Variants in SLC6A16 observed in about 807,000 individuals in gnomAD.
SLC6A16 encodes the protein solute carrier family 6 member 16, also known as orphan sodium- and chloride-dependent neurotransmitter transporter NTT5.
SLC6A16 carries 54 observed loss-of-function variants against 65.4 expected under a neutral mutation model. The observed-to-expected ratio is 0.83, with a 90% CI of 0.66 to 1.04. SLC6A16 has a LOEUF of 1.04. Ranked by LOEUF, SLC6A16 falls within the 50% of genes least tolerant of loss-of-function variation. The pLI is 0.00. For missense variants in SLC6A16, 816 were observed against 914.0 expected (o/e 0.89, Z 1.38); for synonymous variants, 330 against 346.5 (o/e 0.95, Z 0.53).
intron 1 of SLC6A16, among the ~76,000 whole-genome samples, chr19:49,319,482 T>C (rs1457734424): frequency 1.3e-5 from 2 of 150,874 alleles, no homozygotes; most frequent in East Asian, 1.9e-4. Context: ...TATATGTATA[T>C]ACATATACTT....
chr19:49,338,925 A>G, the SLC6A16 span: 55 of 1,612,254 alleles, frequency 3.4e-5, no homozygotes, highest in Admixed American at 7.8e-4. This position sits in a 1 kb window ranked among gnomAD's most constrained non-coding sequence, Gnocchi z 5.0. Context: ...AGAGAGCCAC[A>G]TCTACCGCGA....
upstream of SLC6A16, among the ~76,000 whole-genome samples, chr19:49,328,238 G>A (rs1781611664): frequency 6.6e-6 from 1 of 152,084 alleles, no homozygotes; most frequent in Non-Finnish European, 1.5e-5. Context: ...TACAATCATG[G>A]CAGAAGGCAA....
At chr19:49,327,329 C>T (rs1970809833), upstream of SLC6A16, among the ~76,000 whole-genome samples, 1 of 152,178 alleles carries the variant, frequency 6.6e-6, no homozygotes, top group Admixed American at 6.5e-5. Context: ...CTCAGGTGAT[C>T]CGCCCGCCTC....
At chr19:49,331,986 G>C in the SLC6A16 span, 1 of 447,856 alleles carries the variant, frequency 2.2e-6, no homozygotes, top group Middle Eastern at 7.0e-4. Context: ...TGGTGTATTA[G>C]TCTCCTATGG....
intron 11 of SLC6A16, 24 bp downstream of exon 11, chr19:49,290,580 GT>G: frequency 6.2e-7 from 1 of 1,613,246 alleles, no homozygotes; most frequent in Non-Finnish European, 8.5e-7. Flanking sequence ...TCCCAAAGGG[GT>G]TCTGGGTCCT....
Position 49,303,537 on chromosome 19 carries a change from C to A in SLC6A16, c.1229+5339G>T, listed in dbSNP as rs1970326601. On this transcript the variant is annotated intron_variant, in intron 7 of 11. Coordinates refer to ENST00000335875, the MANE Select transcript of SLC6A16 (RefSeq NM_014037.3). ...GGGCATGGTGGCGCCCACCTGTAGT[C>A]CCAGCTACTTGGGAGGCTGAGGCAG... 2.0e-5 allele frequency among the ~76,000 whole-genome samples: 3 copies of A among 151,932 alleles called. No individual in the cohort carries two copies. The South Asian group carries it at 6.2e-4, about 32-fold the overall frequency.
chr19:49,290,658 T>A lies in SLC6A16; in HGVS notation c.1888A>T (p.Met630Leu), dbSNP rs770589710. The A allele has an allele frequency of 1.2e-6, 2 of 1,613,862 alleles. No individual in the cohort carries two copies. Among genetic ancestry groups the A allele is most frequent in the African/African-American group, 2.7e-5 (2 of 74,850 alleles). ...VVLLIIFVTM[M>L]VHLCMKPITY... ...ATCGGCTTCATACAAAGATGAACCA[T>A]CATGGTCACAAAGATGATTAGCAGC... Residue 630 changes from methionine to leucine, a missense_variant, in exon 11 of 12, where the codon ATG becomes TTG. Physicochemically the swap from Met to Leu is conservative, Grantham distance 15. Coordinates refer to ENST00000335875, the MANE Select transcript of SLC6A16 (RefSeq NM_014037.3).
rs1177430920 is a variant in SLC6A16, at chr19:49,289,976, C to T, written c.*147G>A. 6 of 756,172 alleles carry T rather than the reference C, an allele frequency of 7.9e-6. No individual in the cohort carries two copies. Among genetic ancestry groups the T allele is most frequent in the Non-Finnish European group, 1.3e-5 (6 of 473,778 alleles). 46.8% of individuals were successfully genotyped at this position (756,172 alleles called of 1,614,324 possible). A position where few individuals can be genotyped will look rare whatever the true frequency, so the allele number is the denominator to read the frequency against. ...CCCAGGAAGGGATTGCAAGTCCAGG[C>T]CCCATGAACACCCCCAAAGAATGCC... On this transcript the variant is annotated 3_prime_UTR_variant, in exon 12 of 12. Transcript: ENST00000335875.
At chr19:49,318,358 G>GA (rs941256316) in intron 1 of SLC6A16, among the ~76,000 whole-genome samples, 200 of 146,494 alleles carry the variant, frequency 1.4e-3, no homozygotes, top group African/African-American at 4.5e-3. Context: ...CTTTAGACCT[G>GA]AAAAAAAAAA....
chr19:49,339,810 G>C, the SLC6A16 span: 3 of 1,350,262 alleles, frequency 2.2e-6, no homozygotes, highest in Admixed American at 9.9e-5. This position sits in a 1 kb window ranked among gnomAD's most constrained non-coding sequence, Gnocchi z 4.5. Flanking sequence ...GGGGTGGCTG[G>C]GGCATGGCGG....
the SLC6A16 span, chr19:49,338,997 G>A: frequency 1.5e-6 from 2 of 1,317,254 alleles, no homozygotes; most frequent in Admixed American, 1.7e-5. The surrounding 1 kb of genome is among the most constrained non-coding windows in gnomAD (Gnocchi z 5.0). Context: ...GAGGGGGAGG[G>A]CTGTCAGTGA....
At chr19:49,314,225 C>T (rs1970579587) in intron 1 of SLC6A16, among the ~76,000 whole-genome samples, 1 of 152,014 alleles carries the variant, frequency 6.6e-6, no homozygotes, top group Non-Finnish European at 1.5e-5. Context: ...GAAATCTGGA[C>T]AAATCAGAAC....
the SLC6A16 span, chr19:49,337,890 G>T: frequency 6.2e-7 from 1 of 1,613,040 alleles, no homozygotes; most frequent in East Asian, 2.2e-5. Context: ...GTGGGGCGGG[G>T]AAGATAAGGC....
chr19:49,317,481 G>A (rs1257623857), intron 1 of SLC6A16, among the ~76,000 whole-genome samples: 1 of 152,126 alleles, frequency 6.6e-6, no homozygotes, highest in East Asian at 1.9e-4. Context: ...GCAAAACAGT[G>A]TCTGGAGTTA....
chr19:49,293,172 A>G, intron 10 of SLC6A16, 51 bp downstream of exon 10: 1 of 1,580,346 alleles, frequency 6.3e-7, no homozygotes. Context: ...AAAAGGGGTC[A>G]CCCTTCCCTA....
At chr19:49,334,007 C>T in the SLC6A16 span, among the ~76,000 whole-genome samples, 2 of 152,328 alleles carry the variant, frequency 1.3e-5, no homozygotes, top group East Asian at 1.9e-4. Flanking sequence ...GCTCAGCTTC[C>T]GCTGGGGGTG....
At chr19:49,319,150 G>A (rs777788473) in intron 1 of SLC6A16, among the ~76,000 whole-genome samples, 13 of 150,900 alleles carry the variant, frequency 8.6e-5, no homozygotes, top group Non-Finnish European at 1.6e-4. Flanking sequence ...CCAAAATGAA[G>A]CACAAAGAAA....
In SLC6A16 at chr19:49,292,206, A is replaced by G. The variant is rs1379959779; in HGVS notation, c.1778+1017T>C. Among the ~76,000 whole-genome samples the G allele has an allele frequency of 1.4e-4, 22 of 152,110 alleles. No homozygotes were observed. ...ACATGGTGAAACCCCGTCTCTACTA[A>G]GAATACAAAAATTAGCCGGGCGTGG... is the stretch of plus-strand genomic sequence containing the variant. On this transcript the variant is annotated intron_variant, in intron 10 of 11. Coordinates refer to ENST00000335875, the MANE Select transcript of SLC6A16 (RefSeq NM_014037.3). The surrounding 1 kb of genome is among the most constrained non-coding windows in gnomAD (Gnocchi z 4.3).
rs781209546 is a variant in SLC6A16, at chr19:49,311,210, G to A, written c.138C>T (p.Thr46=). The change falls in exon 2 of 12, where the codon ACC becomes ACT. Residue 46 remains threonine, a synonymous_variant. Transcript: ENST00000335875. ...GSLTRSATSW[T]SEAQVSAARV... is the part of the protein sequence containing the mutation. ...GGGCTGCTGAAACTTGGGCCTCTGA[G>A]GTCCAAGATGTTGCAGACCGGGTCA... 1.9e-6 allele frequency: 3 copies of A among 1,614,138 alleles called. No homozygotes were observed. Among genetic ancestry groups the A allele is most frequent in the African/African-American group, 2.7e-5 (2 of 75,030 alleles).
Sources: gnomAD v4.1 joint callset for allele counts (sites outside exome capture counted in the v4.1 genomes callset) on GRCh38, gnomAD v4.1.1 for gene constraint, Gnocchi (gnomAD v3.1) non-coding constraint, MANE v1.5 for transcripts, NCBI Gene and HGNC (gene_info 2026-07-23, HGNC 2026-07-21) for gene names.